AGBL1: variants seen among roughly 807,000 people sequenced by gnomAD.
The protein encoded by AGBL1 is AGBL carboxypeptidase 1.
In AGBL1, 130 loss-of-function variants were observed where a neutral mutation model predicts 118.9. That is an observed-to-expected ratio of 1.09 (90% CI 0.95 to 1.26). The LOEUF is 1.26. Ranked by LOEUF, AGBL1 falls within the 50% of genes most tolerant of loss-of-function variation. The pLI, the probability that AGBL1 is intolerant of heterozygous loss-of-function variation, is 0.00. For synonymous variants in AGBL1, 555 were observed against 478.9 expected (o/e 1.16, Z -2.08); for missense variants, 1,584 against 1,298.1 (o/e 1.22, Z -3.38).
chr15:86,993,869 T>G (rs370115597), intron 24 of AGBL1, among the ~76,000 whole-genome samples: 8 of 152,108 alleles, frequency 5.3e-5, no homozygotes, highest in African/African-American at 1.9e-4. Flanking sequence ...ACTTCTTTAC[T>G]GAGAGCTCTT....
At chr15:86,608,679 C>T (rs987404071) in intron 21 of AGBL1, among the ~76,000 whole-genome samples, 3 of 152,060 alleles carry the variant, frequency 2.0e-5, no homozygotes, top group South Asian at 2.1e-4. Context: ...GGCAGCATAC[C>T]GGAGAACTCT....
exon 24 of AGBL1, chr15:86,988,049 CAAACTTTTT>C: frequency 6.2e-7 from 1 of 1,613,620 alleles, no homozygotes; most frequent in Non-Finnish European, 8.5e-7. Context: ...TTTGCCATTA[CAAACTTTTT>C]CAAGATGAAC....
intron 17 of AGBL1, among the ~76,000 whole-genome samples, chr15:86,363,229 CA>C (rs2080833196): frequency 6.6e-6 from 1 of 152,056 alleles, no homozygotes. Context: ...GAATGATTGC[CA>C]GATCAATTTT....
intron 17 of AGBL1, among the ~76,000 whole-genome samples, chr15:86,346,793 C>T (rs137903874): frequency 2.7e-4 from 41 of 152,320 alleles, no homozygotes; most frequent in African/African-American, 9.6e-4. Flanking sequence ...CATAGCTTAA[C>T]ATCCACAGGA....
At chr15:86,498,713 A>T (rs1028743030) in intron 18 of AGBL1, among the ~76,000 whole-genome samples, 13 of 151,958 alleles carry the variant, frequency 8.6e-5, no homozygotes, top group African/African-American at 3.1e-4. Flanking sequence ...TATTTACAAG[A>T]TACTGGTGAG....
intron 1 of AGBL1, among the ~76,000 whole-genome samples, chr15:86,110,272 A>G (rs1417989357): frequency 2.0e-5 from 3 of 152,238 alleles, no homozygotes; most frequent in African/African-American, 7.2e-5. Flanking sequence ...TGGCTGCCCC[A>G]AACTTAAATT....
At chr15:86,463,201 AT>A (rs1260338747) in intron 18 of AGBL1, among the ~76,000 whole-genome samples, 5 of 151,206 alleles carry the variant, frequency 3.3e-5, no homozygotes, top group Admixed American at 6.6e-5. Context: ...GATGATGAGC[AT>A]TTTTTATGTG....
intron 21 of AGBL1, among the ~76,000 whole-genome samples, chr15:86,655,435 T>C (rs1453474419): frequency 1.3e-5 from 2 of 152,192 alleles, no homozygotes; most frequent in African/African-American, 4.8e-5. Flanking sequence ...AATAACACTA[T>C]TGAGTATCTC....
At chr15:86,648,389 G>A (rs978740703) in intron 21 of AGBL1, among the ~76,000 whole-genome samples, 1 of 152,142 alleles carries the variant, frequency 6.6e-6, no homozygotes, top group African/African-American at 2.4e-5. Flanking sequence ...TAGAGGTGGT[G>A]GGTGGGAGAA....
intron 7 of AGBL1, among the ~76,000 whole-genome samples, chr15:86,253,218 T>C (rs1040477439): frequency 1.3e-5 from 2 of 152,144 alleles, no homozygotes; most frequent in African/African-American, 2.4e-5. Flanking sequence ...TGAACTATGA[T>C]AGGGACTTTG....
chr15:86,999,450 CTA>C, intron 24 of AGBL1, among the ~76,000 whole-genome samples: 1 of 148,014 alleles, frequency 6.8e-6, no homozygotes, highest in South Asian at 2.1e-4. Context: ...CAGTTCCCAC[CTA>C]TGAGTGAGAA....
chr15:86,659,303 A>G lies in AGBL1; in HGVS notation c.2995-14970A>G, dbSNP rs564482862. Among the ~76,000 whole-genome samples the G allele has an allele frequency of 3.1e-4, 47 of 152,346 alleles. 1 individual carries two copies. The Middle Eastern group carries it at 0.027, about 88-fold the overall frequency. ...ATTAGTGGACACTATTTAAAGAGCC[A>G]TTAATAAAAAGAATATCAGTAATTG... is the stretch of plus-strand genomic sequence containing the variant. On this transcript the variant is annotated intron_variant, in intron 21 of 22. Transcript: ENST00000614907.
intron 17 of AGBL1, among the ~76,000 whole-genome samples, chr15:86,338,944 T>C (rs1352020969): frequency 6.6e-6 from 1 of 152,206 alleles, no homozygotes; most frequent in Non-Finnish European, 1.5e-5. Flanking sequence ...GATGTAACCC[T>C]CTACTAGAGG....
At chr15:86,733,816 G>T (rs565008261) in intron 22 of AGBL1, among the ~76,000 whole-genome samples, 5 of 152,256 alleles carry the variant, frequency 3.3e-5, no homozygotes, top group South Asian at 4.1e-4. Flanking sequence ...CTGGTTAAAA[G>T]TGTCTTTATC....
intron 22 of AGBL1, among the ~76,000 whole-genome samples, chr15:86,700,200 A>G (rs926948616): frequency 2.1e-4 from 32 of 152,088 alleles, no homozygotes; most frequent in East Asian, 1.5e-3. Flanking sequence ...CTTCATTATT[A>G]TCATTATTTA....
At chr15:86,835,600 AAGAAG>A (rs1035126622) in intron 22 of AGBL1, among the ~76,000 whole-genome samples, 26 of 152,110 alleles carry the variant, frequency 1.7e-4, no homozygotes, top group Admixed American at 1.6e-3. Flanking sequence ...GAGAGAGAGG[AAGAAG>A]TAGAAGGAAA....
At chr15:86,648,927 A>G (rs1024363185) in intron 21 of AGBL1, among the ~76,000 whole-genome samples, 1 of 152,220 alleles carries the variant, frequency 6.6e-6, no homozygotes, top group East Asian at 1.9e-4. Flanking sequence ...TGAGATTATA[A>G]AAGAAGAATT....
At chr15:86,928,076 A>C (rs2080564321) in intron 23 of AGBL1, among the ~76,000 whole-genome samples, 1 of 152,228 alleles carries the variant, frequency 6.6e-6, no homozygotes, top group African/African-American at 2.4e-5. Flanking sequence ...AGGAAGGATA[A>C]GCTAGGCCAG....
intron 1 of AGBL1, among the ~76,000 whole-genome samples, chr15:86,097,605 T>G (rs1265941590): frequency 6.6e-6 from 1 of 152,020 alleles, no homozygotes; most frequent in Non-Finnish European, 1.5e-5. Context: ...GTGCCTGGCT[T>G]GTTTCACAAA....
Sources: gnomAD v4.1 joint callset for allele counts (sites outside exome capture counted in the v4.1 genomes callset) on GRCh38, gnomAD v4.1.1 for gene constraint, MANE v1.5 for transcripts, NCBI Gene and HGNC (gene_info 2026-07-23, HGNC 2026-07-21) for gene names.